PDE4D: variants seen among roughly 807,000 people sequenced by gnomAD.
PDE4D encodes phosphodiesterase 4D.
In PDE4D, 24 loss-of-function variants were observed where a neutral mutation model predicts 87.4. The ratio of observed to expected loss-of-function variants is 0.27; its 90% CI spans 0.20 to 0.39. The LOEUF (loss-of-function observed/expected upper bound fraction) is 0.39. Ranked by LOEUF, PDE4D falls within the 10% of genes least tolerant of loss-of-function variation. The pLI, the probability that PDE4D is intolerant of heterozygous loss-of-function variation, is 1.00. For missense variants in PDE4D, 714 were observed against 1,041.0 expected, an observed-to-expected ratio of 0.69 and a Z score of 4.32; for synonymous variants, 384 against 383.2, an observed-to-expected ratio of 1.00 and a Z score of -0.02.
chr5:59,490,787 C>T lies in PDE4D; in HGVS notation c.456-274819G>A, dbSNP rs537494772. On this transcript the variant is annotated intron_variant, in intron 1 of 14. Coordinates refer to ENST00000340635, the MANE Select transcript of PDE4D (RefSeq NM_001104631.2). ...AAAGATATAATACATTTTTATGTGC[C>T]AGAATCAATTGGCAACTGACGTGGT... Among the ~76,000 whole-genome samples the T allele has an allele frequency of 4.6e-5, 7 of 152,216 alleles. No individual in the cohort carries two copies. The East Asian group carries it at 1.4e-3, about 29-fold the overall frequency.
intron 2 of PDE4D, among the ~76,000 whole-genome samples, chr5:60,138,764 TTAA>T (rs1780265598): frequency 2.0e-5 from 3 of 152,114 alleles, no homozygotes; most frequent in Non-Finnish European, 4.4e-5. Context: ...GCCACAGTCA[TTAA>T]TATCAGTATA....
At chr5:60,142,534 T>C (rs933353106) in intron 2 of PDE4D, among the ~76,000 whole-genome samples, 5 of 152,160 alleles carry the variant, frequency 3.3e-5, no homozygotes, top group African/African-American at 1.2e-4. Flanking sequence ...ATCTGAGCCC[T>C]CTATACTGGG....
chr5:59,978,749 A>C (rs1402702198), intron 3 of PDE4D, among the ~76,000 whole-genome samples: 1 of 152,192 alleles, frequency 6.6e-6, no homozygotes, highest in East Asian at 1.9e-4. Context: ...AGGAGGAATC[A>C]ATGGATGTGG....
intron 2 of PDE4D, among the ~76,000 whole-genome samples, chr5:60,098,716 A>G (rs1452392160): frequency 6.6e-6 from 1 of 152,080 alleles, no homozygotes; most frequent in African/African-American, 2.4e-5. Flanking sequence ...TTATGCAAAT[A>G]GAGACAATTT....
At chr5:59,569,290 A>G (rs1238583686) in intron 1 of PDE4D, among the ~76,000 whole-genome samples, 5 of 152,184 alleles carry the variant, frequency 3.3e-5, no homozygotes, top group African/African-American at 1.2e-4. Flanking sequence ...TGCTAAACAT[A>G]TGACTCATTT....
At chr5:59,224,243 C>T (rs192224263) in intron 1 of PDE4D, among the ~76,000 whole-genome samples, 1 of 151,362 alleles carries the variant, frequency 6.6e-6, no homozygotes, top group African/African-American at 2.4e-5. Context: ...AATCATGCCA[C>T]TGCGCTCCAG....
At position 59,113,061 on chromosome 5, in the gene PDE4D, A is replaced by G. The variant is rs554150371; in HGVS notation, c.808+67534T>C. On this transcript the variant is annotated intron_variant, in intron 5 of 14. Coordinates refer to ENST00000340635, the MANE Select transcript of PDE4D (RefSeq NM_001104631.2). ...GGTGATCCAACCGCCTTGGCCTCCC[A>G]AAGTGTCTACCCTTCCCTTCTTCCC... 6.6e-5 allele frequency among the ~76,000 whole-genome samples: 10 copies of G among 151,564 alleles called. No individual in the cohort carries two copies. In the South Asian group the frequency reaches 2.1e-3, roughly 32 times the overall value.
intron 1 of PDE4D, among the ~76,000 whole-genome samples, chr5:59,567,188 G>A (rs1289761937): frequency 2.0e-5 from 3 of 152,096 alleles, no homozygotes; most frequent in Admixed American, 6.5e-5. Context: ...ATCTAGCCAC[G>A]TCAAAAAAAG....
intron 1 of PDE4D, among the ~76,000 whole-genome samples, chr5:60,201,710 A>G (rs1741932049): frequency 6.6e-6 from 1 of 152,140 alleles, no homozygotes; most frequent in Non-Finnish European, 1.5e-5. Context: ...GTATTTTAAG[A>G]CCTCATATAA....
intron 1 of PDE4D, among the ~76,000 whole-genome samples, chr5:59,434,666 T>C (rs936859139): frequency 9.2e-5 from 14 of 152,206 alleles, no homozygotes; most frequent in Admixed American, 2.6e-4. Context: ...CATAGCTAGT[T>C]CATTTGAGCA....
At chr5:59,477,625 G>A (rs935654755) in intron 1 of PDE4D, among the ~76,000 whole-genome samples, 2 of 152,084 alleles carry the variant, frequency 1.3e-5, no homozygotes, top group African/African-American at 4.8e-5. Context: ...TTCAGCCACT[G>A]TGAAAAGTAG....
chr5:60,273,323 A>C (rs1751010777), intron 1 of PDE4D, among the ~76,000 whole-genome samples: 1 of 152,218 alleles, frequency 6.6e-6, no homozygotes, highest in Admixed American at 6.5e-5. Context: ...TCACCTCTTC[A>C]AAGGCTTAGA....
intron 3 of PDE4D, among the ~76,000 whole-genome samples, chr5:59,910,641 CA>C (rs1174139715): frequency 6.6e-6 from 1 of 152,270 alleles, no homozygotes; most frequent in Admixed American, 6.5e-5. Context: ...GTTGCACAAT[CA>C]AAAAGTGCCT....
chr5:60,251,251 T>G (rs1362359493), intron 1 of PDE4D, among the ~76,000 whole-genome samples: 2 of 151,918 alleles, frequency 1.3e-5, no homozygotes, highest in Non-Finnish European at 2.9e-5. Flanking sequence ...TGTGCAGGTT[T>G]GTTATATAAG....
At chr5:59,240,190 T>A (rs1362270451) in intron 1 of PDE4D, among the ~76,000 whole-genome samples, 1 of 152,132 alleles carries the variant, frequency 6.6e-6, no homozygotes, top group Admixed American at 6.6e-5. Context: ...ACAGTCTCCA[T>A]CAGAACAAAG....
At chr5:59,363,001 C>A (rs114835481) in intron 1 of PDE4D, among the ~76,000 whole-genome samples, 6,011 of 152,284 alleles carry the variant, frequency 0.039, 177 homozygotes, top group Middle Eastern at 0.082. Flanking sequence ...CAGACCCCTT[C>A]CTTACTTGGA....
At chr5:59,552,410 T>C (rs898336694) in intron 1 of PDE4D, among the ~76,000 whole-genome samples, 3 of 152,202 alleles carry the variant, frequency 2.0e-5, no homozygotes, top group African/African-American at 7.2e-5. Context: ...AAGTCAGTTT[T>C]CATTTTATAT....
chr5:60,048,446 G>A (rs1769609234), intron 2 of PDE4D, among the ~76,000 whole-genome samples: 1 of 152,034 alleles, frequency 6.6e-6, no homozygotes, highest in Non-Finnish European at 1.5e-5. Context: ...AATCGATGCA[G>A]TTTCTTCCTA....
intron 1 of PDE4D, among the ~76,000 whole-genome samples, chr5:59,259,641 T>G (rs970636211): frequency 1.3e-5 from 2 of 151,686 alleles, no homozygotes; most frequent in Admixed American, 6.6e-5. Flanking sequence ...TTTAGAATTG[T>G]TAAAAGTTTC....
Sources: allele counts gnomAD v4.1 joint callset (sites outside exome capture counted in the v4.1 genomes callset), GRCh38; gene constraint gnomAD v4.1.1; transcripts MANE v1.5; gene names NCBI Gene and HGNC (gene_info 2026-07-23, HGNC 2026-07-21).